RGS7: variants seen among roughly 807,000 people sequenced by gnomAD.
The protein encoded by RGS7 is regulator of G protein signaling 7.
Under a neutral mutation model 81.1 loss-of-function variants are expected in RGS7, and 27 were observed. The ratio of observed to expected loss-of-function variants is 0.33; its 90% CI spans 0.25 to 0.46. The LOEUF (loss-of-function observed/expected upper bound fraction) is 0.46, where lower values mean the gene tolerates loss of function less well. RGS7 is among the 20% of genes least tolerant of loss of function. RGS7 has a pLI of 1.00. For missense variants in RGS7, 396 were observed against 607.4 expected, an observed-to-expected ratio of 0.65 and a Z score of 3.66; for synonymous variants, 208 against 207.7, an observed-to-expected ratio of 1.00 and a Z score of -0.01.
At chr1:240,954,778 A>T (rs377392686) in intron 4 of RGS7, among the ~76,000 whole-genome samples, 3 of 152,208 alleles carry the variant, frequency 2.0e-5, no homozygotes, top group Non-Finnish European at 4.4e-5. Context: ...AATGTTATAC[A>T]CATTGGAAAA....
At chr1:240,985,591 T>C (rs1178829785) in intron 3 of RGS7, among the ~76,000 whole-genome samples, 1 of 152,180 alleles carries the variant, frequency 6.6e-6, no homozygotes, top group African/African-American at 2.4e-5. Flanking sequence ...TCAATTTAAT[T>C]GGACTTGACC....
At chr1:241,090,015 G>GAA (rs2063776641) in intron 3 of RGS7, among the ~76,000 whole-genome samples, 2 of 140,218 alleles carry the variant, frequency 1.4e-5, no homozygotes, top group African/African-American at 5.4e-5. Flanking sequence ...AAAAAAAAGA[G>GAA]AGAGAGAACA....
chr1:240,826,929 G>GTGTGCTTGAGCATTAGGGTGGGGC (rs1692936892), intron 10 of RGS7, among the ~76,000 whole-genome samples, 169 bp downstream of exon 10: 1 of 152,082 alleles, frequency 6.6e-6, no homozygotes, highest in Non-Finnish European at 1.5e-5. Flanking sequence ...TGGGACCCTG[G>GTGTGCTTGAGCATTAGGGTGGGGC]TGTGCTTGAG....
intron 4 of RGS7, among the ~76,000 whole-genome samples, chr1:240,981,025 T>C (rs1684834123): frequency 6.6e-6 from 1 of 152,168 alleles, no homozygotes; most frequent in Non-Finnish European, 1.5e-5. Context: ...AAACAATGAT[T>C]GTTTCTTACT....
chr1:240,875,864 C>T (rs1294372137), intron 6 of RGS7, among the ~76,000 whole-genome samples: 1 of 152,192 alleles, frequency 6.6e-6, no homozygotes, highest in Non-Finnish European at 1.5e-5. Context: ...AGGTTTCTTG[C>T]TCATTATTTA....
At chr1:241,016,565 AAAC>A (rs200918115) in intron 3 of RGS7, among the ~76,000 whole-genome samples, 4,030 of 151,378 alleles carry the variant, frequency 0.027, 182 homozygotes, top group African/African-American at 0.091. Context: ...CCAACCAAAC[AAAC>A]AAAAAAAAAA....
intron 10 of RGS7, among the ~76,000 whole-genome samples, chr1:240,818,375 C>T (rs1691192635): frequency 6.6e-6 from 1 of 151,546 alleles, no homozygotes; most frequent in Non-Finnish European, 1.5e-5. Context: ...CAGGTAATTA[C>T]ACAAATAAAC....
intron 6 of RGS7, among the ~76,000 whole-genome samples, chr1:240,881,121 A>T (rs748656955): frequency 7.9e-5 from 12 of 152,242 alleles, no homozygotes; most frequent in Non-Finnish European, 1.2e-4. Context: ...AAAGAAAAAG[A>T]TAATTATGTT....
chr1:240,909,252 A>C (rs1385414458), intron 6 of RGS7, among the ~76,000 whole-genome samples: 1 of 152,246 alleles, frequency 6.6e-6, no homozygotes, highest in Non-Finnish European at 1.5e-5. Context: ...AATCCCATAC[A>C]GTGCAATGAA....
intron 3 of RGS7, among the ~76,000 whole-genome samples, chr1:241,017,729 T>C (rs2059335299): frequency 6.6e-6 from 1 of 152,178 alleles, no homozygotes; most frequent in Admixed American, 6.5e-5. Flanking sequence ...CCTCTGGTTT[T>C]CTGCAAGATT....
chr1:241,142,814 G>A (rs775987360), intron 2 of RGS7, among the ~76,000 whole-genome samples: 54 of 152,166 alleles, frequency 3.5e-4, no homozygotes, highest in African/African-American at 1.2e-3. Flanking sequence ...CTCAGAAAAC[G>A]GGATTTTCTT....
intron 2 of RGS7, among the ~76,000 whole-genome samples, chr1:241,259,667 A>AAAAAAAAAAATATATATATATAT: frequency 4.1e-5 from 2 of 49,146 alleles, no homozygotes; most frequent in African/African-American, 1.6e-4. Flanking sequence ...AAAAAAAAAA[A>AAAAAAAAAAATATATATATATAT]ATATATATAT....
chr1:240,853,825 C>A (rs1166536936), intron 9 of RGS7, among the ~76,000 whole-genome samples: 1 of 125,538 alleles, frequency 8.0e-6, no homozygotes, highest in African/African-American at 2.9e-5. Flanking sequence ...GGCGTGAACC[C>A]GGGAGGCGGA....
At chr1:241,012,504 T>G (rs2059009831) in intron 3 of RGS7, among the ~76,000 whole-genome samples, 1 of 152,152 alleles carries the variant, frequency 6.6e-6, no homozygotes, top group East Asian at 1.9e-4. Flanking sequence ...TTAAACCACA[T>G]TTCCAAAATC....
At chr1:240,918,360 A>G (rs1672939378) in intron 6 of RGS7, among the ~76,000 whole-genome samples, 1 of 152,224 alleles carries the variant, frequency 6.6e-6, no homozygotes, top group Admixed American at 6.5e-5. Context: ...GTCATAAGAC[A>G]CACCTTAAAA....
At chr1:240,893,065 C>T (rs1668516092) in intron 6 of RGS7, among the ~76,000 whole-genome samples, 1 of 151,980 alleles carries the variant, frequency 6.6e-6, no homozygotes. Context: ...ACTAGGAACG[C>T]TAAGATAAAT....
intron 2 of RGS7, among the ~76,000 whole-genome samples, chr1:241,348,248 A>G (rs564552088): frequency 1.1e-4 from 16 of 152,370 alleles, no homozygotes; most frequent in African/African-American, 3.8e-4. Context: ...GCATCGCCAT[A>G]GAGCATCAAA....
chr1:240,817,559 C>A (rs1691030165), intron 10 of RGS7, among the ~76,000 whole-genome samples: 1 of 151,966 alleles, frequency 6.6e-6, no homozygotes, highest in Non-Finnish European at 1.5e-5. Context: ...GTATCTGCAC[C>A]TTTTGGATGT....
At chr1:240,908,534 C>A (rs1671228885) in intron 6 of RGS7, among the ~76,000 whole-genome samples, 1 of 152,176 alleles carries the variant, frequency 6.6e-6, no homozygotes, top group East Asian at 1.9e-4. Context: ...CCTACATTTA[C>A]GTAAAGGGGA....
Sources: allele counts gnomAD v4.1 joint callset (sites outside exome capture counted in the v4.1 genomes callset), GRCh38; gene constraint gnomAD v4.1.1; transcripts MANE v1.5; gene names NCBI Gene and HGNC (gene_info 2026-07-23, HGNC 2026-07-21).